The following NELL1 variants were observed in gnomAD, a reference collection of about 807,000 sequenced individuals.
NELL1 encodes the protein neural EGFL like 1.
NELL1 carries 76 observed loss-of-function variants against 107.4 expected under a neutral mutation model. The ratio of observed to expected loss-of-function variants is 0.71; its 90% CI spans 0.59 to 0.86. NELL1 has a LOEUF of 0.86. Among genes scored for constraint, NELL1 ranks in the 40% least tolerant of loss-of-function variants. The pLI is 0.00. For missense variants in NELL1, 1,024 were observed against 1,005.5 expected (o/e 1.02, Z -0.25); for synonymous variants, 353 against 341.2 (o/e 1.03, Z -0.38).
intron 12 of NELL1, among the ~76,000 whole-genome samples, chr11:20,972,012 C>A (rs1455161234): frequency 7.9e-6 from 1 of 126,772 alleles, no homozygotes; most frequent in Non-Finnish European, 1.6e-5. Flanking sequence ...ACAACAGACA[C>A]TGGGGCCTGC....
intron 12 of NELL1, among the ~76,000 whole-genome samples, chr11:21,103,977 G>C (rs1299023198): frequency 1.3e-5 from 2 of 152,150 alleles, no homozygotes; most frequent in East Asian, 3.9e-4. Flanking sequence ...CTGACATTTG[G>C]AAACTTTACG....
At chr11:21,474,603 T>G (rs1854275361) in intron 15 of NELL1, among the ~76,000 whole-genome samples, 1 of 152,110 alleles carries the variant, frequency 6.6e-6, no homozygotes, top group South Asian at 2.1e-4. Context: ...CAGCTGAGGA[T>G]TTGTACCCCT....
At chr11:21,143,226 G>C (rs940656806) in intron 13 of NELL1, among the ~76,000 whole-genome samples, 3 of 152,132 alleles carry the variant, frequency 2.0e-5, no homozygotes, top group African/African-American at 7.2e-5. Flanking sequence ...AACAGTTTTG[G>C]CTAAACTGTG....
At chr11:21,389,532 C>T (rs113982027) in intron 15 of NELL1, among the ~76,000 whole-genome samples, 4 of 151,828 alleles carry the variant, frequency 2.6e-5, no homozygotes, top group African/African-American at 9.6e-5. Flanking sequence ...AAAAGCAGGT[C>T]TGGAAAACTC....
At chr11:21,526,322 C>T (rs910443861) in intron 15 of NELL1, among the ~76,000 whole-genome samples, 1 of 152,220 alleles carries the variant, frequency 6.6e-6, no homozygotes, top group African/African-American at 2.4e-5. Flanking sequence ...GACAACTCCG[C>T]CACTGTGGCT....
chr11:21,517,924 A>G (rs1855612005), intron 15 of NELL1, among the ~76,000 whole-genome samples: 1 of 151,992 alleles, frequency 6.6e-6, no homozygotes, highest in South Asian at 2.1e-4. Flanking sequence ...TTCAAGTCGC[A>G]GATGCTTCTT....
chr11:20,709,041 G>A (rs1333742287), intron 2 of NELL1, among the ~76,000 whole-genome samples: 1 of 152,122 alleles, frequency 6.6e-6, no homozygotes, highest in Non-Finnish European at 1.5e-5. Flanking sequence ...ATAGGTGGCA[G>A]AACTCAGGTG....
chr11:21,041,428 C>G (rs11025887), intron 12 of NELL1, among the ~76,000 whole-genome samples: 74,376 of 151,946 alleles, frequency 0.49, 18,575 homozygotes, highest in East Asian at 0.72. Flanking sequence ...GTCAGAGAGT[C>G]ACGTGAAAGG....
intron 14 of NELL1, among the ~76,000 whole-genome samples, chr11:21,266,592 C>T (rs1848640244): frequency 6.6e-6 from 1 of 152,052 alleles, no homozygotes; most frequent in African/African-American, 2.4e-5. Flanking sequence ...TGACACCCTT[C>T]TCTCTCTCTT....
chr11:21,332,441 G>A (rs756844882), intron 14 of NELL1, among the ~76,000 whole-genome samples: 5 of 151,974 alleles, frequency 3.3e-5, no homozygotes, highest in Non-Finnish European at 4.4e-5. Context: ...CAGACACAAA[G>A]TTGAGGCAAT....
chr11:21,570,667 C>CA, intron 17 of NELL1, 97 bp from the exon 18 acceptor site: 1 of 1,134,296 alleles, frequency 8.8e-7, no homozygotes, highest in Admixed American at 2.0e-5. Flanking sequence ...GAGAGGTGGC[C>CA]AGGGGGTGAC....
At chr11:21,476,823 TG>T (rs1181893670) in intron 15 of NELL1, among the ~76,000 whole-genome samples, 1 of 152,068 alleles carries the variant, frequency 6.6e-6, no homozygotes, top group Non-Finnish European at 1.5e-5. Flanking sequence ...TGTGGGACTT[TG>T]CACTAAAACA....
chr11:20,989,763 T>G (rs1172691035), intron 12 of NELL1, among the ~76,000 whole-genome samples: 1 of 151,988 alleles, frequency 6.6e-6, no homozygotes, highest in Non-Finnish European at 1.5e-5. Flanking sequence ...GAGGCCGAGG[T>G]GGGTGGAACA....
At chr11:21,338,393 G>A (rs939483767) in intron 14 of NELL1, among the ~76,000 whole-genome samples, 2 of 152,228 alleles carry the variant, frequency 1.3e-5, no homozygotes, top group African/African-American at 4.8e-5. Flanking sequence ...CTGGGTATGT[G>A]CATCGTGTCA....
At chr11:20,979,213 A>G (rs1406805897) in intron 12 of NELL1, among the ~76,000 whole-genome samples, 1 of 152,222 alleles carries the variant, frequency 6.6e-6, no homozygotes, top group Non-Finnish European at 1.5e-5. Context: ...CTCATTTAGT[A>G]AGGAGCTGAA....
intron 15 of NELL1, among the ~76,000 whole-genome samples, chr11:21,400,450 G>T (rs61885548): frequency 0.29 from 44,229 of 151,750 alleles, 6,983 homozygotes; most frequent in Non-Finnish European, 0.35. Context: ...CTCAGGAAGT[G>T]AGGAACATTA....
intron 16 of NELL1, among the ~76,000 whole-genome samples, chr11:21,558,057 G>A (rs1227224476): frequency 6.6e-6 from 1 of 151,950 alleles, no homozygotes; most frequent in Non-Finnish European, 1.5e-5. Flanking sequence ...TGACTGTCTT[G>A]CCATATAAGA....
intron 12 of NELL1, among the ~76,000 whole-genome samples, chr11:21,010,807 A>G (rs1852430143): frequency 6.6e-6 from 1 of 152,154 alleles, no homozygotes. Flanking sequence ...CCAGATAATT[A>G]GAAAACAGCA....
At chr11:21,349,996 CAT>C (rs1250747871) in intron 14 of NELL1, among the ~76,000 whole-genome samples, 7 of 152,102 alleles carry the variant, frequency 4.6e-5, no homozygotes, top group Non-Finnish European at 8.8e-5. Flanking sequence ...TGCTGTCCAA[CAT>C]AGCCAATAAT....
Sources: allele counts gnomAD v4.1 joint callset (sites outside exome capture counted in the v4.1 genomes callset), GRCh38; gene constraint gnomAD v4.1.1; transcripts MANE v1.5; gene names NCBI Gene and HGNC (gene_info 2026-07-23, HGNC 2026-07-21).